LRRC63: variants seen among roughly 807,000 people sequenced by gnomAD.
The protein encoded by LRRC63 is leucine rich repeat containing 63.
A neutral mutation model predicts 49.5 loss-of-function variants in LRRC63; 40 were observed. That is an observed-to-expected ratio of 0.81 (90% confidence interval 0.63 to 1.05). The LOEUF (loss-of-function observed/expected upper bound fraction) is 1.05, where lower values mean the gene tolerates loss of function less well. Ranked by LOEUF, LRRC63 falls within the 50% of genes least tolerant of loss-of-function variation. The pLI is 0.00. For synonymous variants in LRRC63, 191 were observed against 221.1 expected, an observed-to-expected ratio of 0.86 and a Z score of 1.21; for missense variants, 636 against 663.1, an observed-to-expected ratio of 0.96 and a Z score of 0.45.
chr13:46,253,699 G>C lies in LRRC63; in HGVS notation c.1226+3208G>C, dbSNP rs1343136819. Reference sequence around the variant, plus strand: ...AGGTGAGGTTTAGGAGTTGGATAGGGACTACATCCCATGAAGCTGTGAGGG... The same window carrying C: ...AGGTGAGGTTTAGGAGTTGGATAGGCACTACATCCCATGAAGCTGTGAGGG... On this transcript the variant is annotated intron_variant, in intron 7 of 9. Transcript: ENST00000595396. Among the ~76,000 whole-genome samples the C allele has an allele frequency of 4.6e-5, 7 of 152,110 alleles. No homozygotes were observed. In the South Asian group the frequency reaches 1.4e-3, roughly 31 times the overall value.
At chr13:46,266,629 G>C (rs2047687493) in intron 8 of LRRC63, 104 bp from the exon 9 acceptor site, 2 of 828,110 alleles carry the variant, frequency 2.4e-6, no homozygotes, top group South Asian at 2.1e-5. Context: ...GTATTTTATT[G>C]GTACTAGTTT....
rs531619409 is a variant in LRRC63 at position 46,235,197 on chromosome 13, G to A, written c.990+848G>A. Among the ~76,000 whole-genome samples the A allele has an allele frequency of 2.0e-5, 3 of 152,236 alleles. No homozygotes were observed. The South Asian group carries it at 6.2e-4, about 32-fold the overall frequency. ...GGCTAAGCATTGAAGGAGTGCCTTA[G>A]CACAGAGTCGATCTGAAAAGATGAA... On this transcript the variant is annotated intron_variant, in intron 5 of 9. Transcript: ENST00000595396.
intron 9 of LRRC63, chr13:46,270,609 C>G: frequency 1.2e-6 from 1 of 842,782 alleles, no homozygotes. Context: ...AATGCCACAA[C>G]AGTGACGTCA....
At chr13:46,273,195 A>G (rs2047783200) in intron 9 of LRRC63, among the ~76,000 whole-genome samples, 1 of 152,218 alleles carries the variant, frequency 6.6e-6, no homozygotes, top group South Asian at 2.1e-4. Flanking sequence ...AAGGACCAGT[A>G]AAATTTGGAA....
intron 5 of LRRC63, among the ~76,000 whole-genome samples, chr13:46,238,404 G>A (rs1419175222): frequency 6.6e-6 from 1 of 152,044 alleles, no homozygotes; most frequent in Non-Finnish European, 1.5e-5. Flanking sequence ...CTCAGCAAAT[G>A]CAAAGTAATT....
chr13:46,228,731 A>G (rs2046651900), exon 4 of LRRC63: 1 of 1,526,440 alleles, frequency 6.6e-7, no homozygotes, highest in Admixed American at 2.0e-5. Flanking sequence ...AGACCACCTG[A>G]AGGTAAATGC....
intron 9 of LRRC63, among the ~76,000 whole-genome samples, chr13:46,272,863 G>T (rs902235034): frequency 6.6e-6 from 1 of 152,154 alleles, no homozygotes; most frequent in Non-Finnish European, 1.5e-5. Context: ...CACAGTGAGG[G>T]TGCACACATG....
chr13:46,216,032 G>T (rs2046242044), intron 2 of LRRC63, among the ~76,000 whole-genome samples: 1 of 152,152 alleles, frequency 6.6e-6, no homozygotes, highest in South Asian at 2.1e-4. Context: ...TTGTAGTATA[G>T]TTTGAAGTCA....
intron 9 of LRRC63, among the ~76,000 whole-genome samples, chr13:46,273,114 GA>G (rs2047781976): frequency 6.6e-6 from 1 of 152,136 alleles, no homozygotes; most frequent in Non-Finnish European, 1.5e-5. Flanking sequence ...GCTGGAGGAG[GA>G]GCTGATAACA....
intron 6 of LRRC63, among the ~76,000 whole-genome samples, chr13:46,247,112 T>G (rs114946213): frequency 6.6e-6 from 1 of 152,278 alleles, no homozygotes; most frequent in Admixed American, 6.5e-5. Flanking sequence ...TAGGACAAAT[T>G]ACGTTTTTCG....
chr13:46,247,850 A>G (rs2047257645), intron 6 of LRRC63, among the ~76,000 whole-genome samples: 1 of 152,122 alleles, frequency 6.6e-6, no homozygotes, highest in Non-Finnish European at 1.5e-5. Flanking sequence ...GAAGATTAAT[A>G]TAGCAAACTC....
chr13:46,233,134 G>A (rs965346435), intron 4 of LRRC63, among the ~76,000 whole-genome samples: 5 of 152,016 alleles, frequency 3.3e-5, no homozygotes, highest in Admixed American at 6.6e-5. Flanking sequence ...TTCTTCTCTG[G>A]TAGTTTCCTC....
chr13:46,252,167 G>C (rs1168896132), intron 7 of LRRC63, among the ~76,000 whole-genome samples: 1 of 151,942 alleles, frequency 6.6e-6, no homozygotes, highest in Admixed American at 6.6e-5. Flanking sequence ...TATTTGCAAA[G>C]TTTGTTCAAT....
intron 5 of LRRC63, among the ~76,000 whole-genome samples, chr13:46,240,114 C>T (rs2047014132): frequency 6.7e-6 from 1 of 148,552 alleles, no homozygotes. Flanking sequence ...CCCTCTATCT[C>T]TCTCTCTTTT....
chr13:46,223,300 G>C (rs2046463983), intron 2 of LRRC63, among the ~76,000 whole-genome samples: 1 of 151,966 alleles, frequency 6.6e-6, no homozygotes, highest in Non-Finnish European at 1.5e-5. Flanking sequence ...AAGATCAGTT[G>C]GCTGTAAGTA....
chr13:46,266,623 T>C, intron 8 of LRRC63, 110 bp from the exon 9 acceptor site: 1 of 805,290 alleles, frequency 1.2e-6, no homozygotes, highest in Non-Finnish European at 1.9e-6. Flanking sequence ...ATACTTGTAT[T>C]TTATTGGTAC....
exon 10 of LRRC63, chr13:46,276,842 A>ATATATATATATATATT (rs2047847295): frequency 6.6e-6 from 1 of 150,730 alleles, no homozygotes; most frequent in African/African-American, 3.1e-5. Context: ...ATATATATAT[A>ATATATATATATATATT]TATATATATT....
rs1214845324 is a variant in LRRC63, at chr13:46,269,824, G to GAT, written c.1550+2860_1550+2861dup. On this transcript the variant is annotated intron_variant, in intron 9 of 9. Transcript: ENST00000595396. The stretch of plus-strand genomic sequence containing the variant: ...TTATATATATATAGTAGTCGCTATA[G>GAT]ATATATATACTATATATCTATATAT... Among the ~76,000 whole-genome samples the GAT allele has an allele frequency of 5.4e-5, 8 of 146,848 alleles. No individual in the cohort carries two copies. In the South Asian group the frequency reaches 1.1e-3, roughly 20 times the overall value.
At chr13:46,276,486 C>G in intron 9 of LRRC63, 104 bp from the exon 10 acceptor site, 1 of 492,862 alleles carries the variant, frequency 2.0e-6, no homozygotes, top group Non-Finnish European at 3.2e-6. Flanking sequence ...CTGGTAAGCT[C>G]AATGAAGGTA....
Sources: allele counts gnomAD v4.1 joint callset (sites outside exome capture counted in the v4.1 genomes callset), GRCh38; gene constraint gnomAD v4.1.1; transcripts MANE v1.5; gene names NCBI Gene and HGNC (gene_info 2026-07-23, HGNC 2026-07-21).